NFIB: variants seen among roughly 807,000 people sequenced by gnomAD.
NFIB encodes nuclear factor I B.
Under a neutral mutation model 61.5 loss-of-function variants are expected in NFIB, and 11 were observed. That is an observed-to-expected ratio of 0.18 (90% CI 0.11 to 0.30). The LOEUF is 0.30. Ranked by LOEUF, NFIB falls within the 10% of genes least tolerant of loss-of-function variation. The pLI is 1.00. For synonymous variants in NFIB, 260 were observed against 216.5 expected (o/e 1.20, Z -1.76); for missense variants, 471 against 608.9 (o/e 0.77, Z 2.38).
intron 2 of NFIB, among the ~76,000 whole-genome samples, chr9:14,275,550 T>C (rs1237342221): frequency 6.6e-6 from 1 of 152,116 alleles, no homozygotes; most frequent in African/African-American, 2.4e-5. Context: ...AGCAGTATCC[T>C]TGAAGAATGA....
the NFIB span, among the ~76,000 whole-genome samples, chr9:14,414,848 C>T: frequency 2.6e-5 from 4 of 152,262 alleles, no homozygotes; most frequent in East Asian, 1.9e-4. Flanking sequence ...CTAAATGTTT[C>T]TTTGGAGGCC....
At chr9:14,344,179 AAAC>A (rs2060990408) in intron 1 of NFIB, among the ~76,000 whole-genome samples, 1 of 152,010 alleles carries the variant, frequency 6.6e-6, no homozygotes, top group South Asian at 2.1e-4. Context: ...GTGAAAGCAA[AAAC>A]AACAGAGACA....
At chr9:14,455,074 T>A in the NFIB span, among the ~76,000 whole-genome samples, 4 of 152,230 alleles carry the variant, frequency 2.6e-5, no homozygotes, top group African/African-American at 9.6e-5. Context: ...TTAATTTGAC[T>A]GATACAAATA....
At chr9:14,409,714 G>C in the NFIB span, among the ~76,000 whole-genome samples, 1 of 152,118 alleles carries the variant, frequency 6.6e-6, no homozygotes, top group African/African-American at 2.4e-5. Context: ...CAACATAGTT[G>C]GGAAGGAGGA....
chr9:14,502,549 T>C, the NFIB span, among the ~76,000 whole-genome samples: 3 of 152,186 alleles, frequency 2.0e-5, no homozygotes, highest in East Asian at 5.8e-4. Flanking sequence ...GTTACTTATA[T>C]AAATGGGTAC....
At chr9:14,296,270 A>G (rs1285005410) in intron 2 of NFIB, among the ~76,000 whole-genome samples, 2 of 152,210 alleles carry the variant, frequency 1.3e-5, no homozygotes, top group East Asian at 3.8e-4. Context: ...GAATTATTTC[A>G]TTTAATCCTA....
the NFIB span, among the ~76,000 whole-genome samples, chr9:14,491,482 G>A: frequency 6.6e-6 from 1 of 152,332 alleles, no homozygotes; most frequent in Middle Eastern, 3.4e-3. Flanking sequence ...GGCAGAGAAT[G>A]TGGGCAAGAC....
chr9:14,156,740 G>T (rs34991430), intron 3 of NFIB, among the ~76,000 whole-genome samples: 70,362 of 152,070 alleles, frequency 0.46, 20,575 homozygotes, highest in Non-Finnish European at 0.66. Context: ...CTATGTTAAG[G>T]GGGTGTAATG....
chr9:14,366,424 C>T (rs1681582047), intron 1 of NFIB, among the ~76,000 whole-genome samples: 1 of 152,274 alleles, frequency 6.6e-6, no homozygotes, highest in Middle Eastern at 3.4e-3. Flanking sequence ...ACTTCCTATT[C>T]CCTAGCGGAT....
chr9:14,150,088 C>T (rs757469664), intron 5 of NFIB, 57 bp downstream of exon 5: 106 of 1,601,724 alleles, frequency 6.6e-5, no homozygotes, highest in Middle Eastern at 1.7e-4. Context: ...GCCTATCATC[C>T]ACCTACGAAC....
chr9:14,126,449 T>A (rs2039653912), intron 6 of NFIB, among the ~76,000 whole-genome samples: 1 of 152,240 alleles, frequency 6.6e-6, no homozygotes. Context: ...TGCTGCTACA[T>A]CGCCAGCTGC....
At chr9:14,118,586 C>T (rs906538783) in intron 8 of NFIB, among the ~76,000 whole-genome samples, 1 of 152,016 alleles carries the variant, frequency 6.6e-6, no homozygotes, top group African/African-American at 2.4e-5. Context: ...ACAGATGAAG[C>T]TACACTAAAA....
chr9:14,163,763 A>G (rs1324728100), intron 3 of NFIB, among the ~76,000 whole-genome samples: 1 of 152,004 alleles, frequency 6.6e-6, no homozygotes, highest in Non-Finnish European at 1.5e-5. Context: ...TATTTTACTG[A>G]TATGTTCATG....
At chr9:14,528,673 AAAT>A in the NFIB span, among the ~76,000 whole-genome samples, 1 of 152,140 alleles carries the variant, frequency 6.6e-6, no homozygotes, top group Non-Finnish European at 1.5e-5. Flanking sequence ...TTGGAGAAAA[AAAT>A]AATGTCTGGT....
the NFIB span, among the ~76,000 whole-genome samples, chr9:14,416,073 A>G: frequency 1.3e-5 from 2 of 152,234 alleles, no homozygotes; most frequent in African/African-American, 4.8e-5. Flanking sequence ...TATAAACCTA[A>G]GAAAAAAAGT....
chr9:14,125,186 C>T (rs746688019), intron 7 of NFIB, among the ~76,000 whole-genome samples: 1 of 152,108 alleles, frequency 6.6e-6, no homozygotes, highest in African/African-American at 2.4e-5. Context: ...GAGATGGAGT[C>T]TCACTCTGTC....
In NFIB at chr9:14,220,884, C is replaced by CACACACA. The variant is rs1373357656; in HGVS notation, c.563-41105_563-41104insTGTGTGT. Among the ~76,000 whole-genome samples, 6 of 148,298 alleles carry CACACACA rather than the reference C, an allele frequency of 4.0e-5. No homozygotes were observed. In the East Asian group the frequency reaches 1.2e-3, roughly 30 times the overall value. Reference sequence around the variant, plus strand: ...ACACACACACACACACACACACACACACCACATCCCATCTTCTTCCTATTC... The same window carrying CACACACA: ...ACACACACACACACACACACACACACACACACAACCACATCCCATCTTCTTCCTATTC... On this transcript the variant is annotated intron_variant, in intron 2 of 10. Transcript: ENST00000380953.
intron 2 of NFIB, among the ~76,000 whole-genome samples, chr9:14,252,292 T>C (rs2132143150): frequency 6.6e-6 from 1 of 152,338 alleles, no homozygotes; most frequent in Non-Finnish European, 1.5e-5. Context: ...ATATTTTTAA[T>C]ATTCCTCATT....
At chr9:14,155,925 A>C in intron 3 of NFIB, 32 bp from the exon 4 acceptor site, 1 of 1,329,848 alleles carries the variant, frequency 7.5e-7, no homozygotes, top group South Asian at 1.3e-5. Context: ...AAAATGATCA[A>C]TATAAGCAGA....
Sources: allele counts gnomAD v4.1 joint callset (sites outside exome capture counted in the v4.1 genomes callset), GRCh38; gene constraint gnomAD v4.1.1; transcripts MANE v1.5; gene names NCBI Gene and HGNC (gene_info 2026-07-23, HGNC 2026-07-21).